PRPF6: variants seen among roughly 807,000 people sequenced by gnomAD.
PRPF6 encodes pre-mRNA processing factor 6.
PRPF6 carries 42 observed loss-of-function variants against 118.3 expected under a neutral mutation model. That is an observed-to-expected ratio of 0.35 (90% CI 0.28 to 0.46). The LOEUF (loss-of-function observed/expected upper bound fraction) is 0.46, where lower values mean the gene tolerates loss of function less well. Among genes scored for constraint, PRPF6 ranks in the 20% least tolerant of loss-of-function variants. The pLI is 1.00. For missense variants in PRPF6, 662 were observed against 1,255.7 expected (o/e 0.53, Z 7.15); for synonymous variants, 481 against 485.1 (o/e 0.99, Z 0.11).
intron 11 of PRPF6, 41 bp from the exon 12 acceptor site, chr20:64,016,682 G>C: frequency 6.2e-7 from 1 of 1,612,506 alleles, no homozygotes; most frequent in South Asian, 1.1e-5. Flanking sequence ...CTGCAGCTCT[G>C]ATTTCCAAAA....
Position 63,995,310 on chromosome 20 carries a change from C to A in PRPF6, c.616-17C>A. 6.2e-7 allele frequency: 1 copy of A among 1,603,266 alleles called. No homozygotes were observed. Among genetic ancestry groups the A allele is most frequent in the Non-Finnish European group, 8.5e-7 (1 of 1,174,520 alleles). On this transcript the variant is annotated splice_polypyrimidine_tract_variant and intron_variant, in intron 5 of 20. Transcript: ENST00000266079. ...AAACCGTTGTTTTATTCTTGCCTTT[C>A]CTCTCTTCCCCTCCAGCAATTTGGA... is the stretch of plus-strand genomic sequence containing the variant.
At chr20:64,021,310 A>C (rs1027343627) in intron 12 of PRPF6, among the ~76,000 whole-genome samples, 1 of 131,068 alleles carries the variant, frequency 7.6e-6, no homozygotes, top group Non-Finnish European at 1.6e-5. Context: ...GTGTGTGTGC[A>C]TGTATGCATA....
At chr20:63,987,842 A>G (rs1054421035) in intron 3 of PRPF6, among the ~76,000 whole-genome samples, 2 of 151,586 alleles carry the variant, frequency 1.3e-5, no homozygotes, top group African/African-American at 4.9e-5. Context: ...TGAGGTCAGG[A>G]GTTTGAGACC....
rs114986695 is a variant in PRPF6, at chr20:64,030,145, G to A, written c.2546+654G>A. On this transcript the variant is annotated intron_variant, in intron 19 of 20. Coordinates refer to ENST00000266079, the MANE Select transcript of PRPF6 (RefSeq NM_012469.4). The stretch of plus-strand genomic sequence containing the variant: ...CAGCAGGGAGCTCAGGGCCATCCCC[G>A]ACCCCCAGGGTCCCTGTTTCCTTCT... 4.5e-3 allele frequency among the ~76,000 whole-genome samples: 683 copies of A among 152,324 alleles called. 6 individuals are homozygous for A. The highest frequency in any genetic ancestry group is 0.016 in the African/African-American group (655 of 41,572).
At position 63,983,066 on chromosome 20, in the gene PRPF6, C is replaced by A. The variant is rs764082576; in HGVS notation, c.91C>A (p.Arg31=). 10 of 1,614,156 alleles carry A rather than the reference C, an allele frequency of 6.2e-6. No individual in the cohort carries two copies. The highest frequency in any genetic ancestry group is 8.5e-6 in the Non-Finnish European group (10 of 1,180,028). The change falls in exon 2 of 21, where the codon CGG becomes AGG. Residue 31 remains arginine, a synonymous_variant. Coordinates refer to ENST00000266079, the MANE Select transcript of PRPF6 (RefSeq NM_012469.4). ...LGRGATGFTT[R]SDIGPARDAN... is the part of the protein sequence containing the mutation. ...CTGCAGCGCCACTGGCTTCACCACG[C>A]GGTCAGACATTGGGCCCGCCCGTGA...
intron 12 of PRPF6, among the ~76,000 whole-genome samples, chr20:64,020,505 G>A (rs2059257805): frequency 6.6e-6 from 1 of 152,206 alleles, no homozygotes; most frequent in South Asian, 2.1e-4. Flanking sequence ...TCTGAACCTG[G>A]CCCAGTGAGT....
Position 64,029,955 on chromosome 20 carries a change from G to T in PRPF6, c.2546+464G>T, listed in dbSNP as rs532641279. Among the ~76,000 whole-genome samples the T allele has an allele frequency of 1.7e-4, 25 of 149,418 alleles. No individual in the cohort carries two copies. Among genetic ancestry groups the T allele is most frequent in the African/African-American group, 6.2e-4 (25 of 40,418 alleles). The stretch of plus-strand genomic sequence containing the variant: ...CACTGGTGTGCTGGCCGCCGGGTCA[G>T]AGACTCACTGGGGACGCGTGTGATT... On this transcript the variant is annotated intron_variant, in intron 19 of 20. Transcript: ENST00000266079. This position sits in a 1 kb window ranked among gnomAD's most constrained non-coding sequence, Gnocchi z 4.8.
At chr20:64,031,687 A>AC (rs59985127) in intron 19 of PRPF6, among the ~76,000 whole-genome samples, 7,519 of 149,172 alleles carry the variant, frequency 0.05, 221 homozygotes, top group Middle Eastern at 0.11. Flanking sequence ...AAAAAAAAAA[A>AC]AAAACAACAA....
At chr20:63,996,308 C>T (rs1036054399) in intron 6 of PRPF6, among the ~76,000 whole-genome samples, 15 of 152,048 alleles carry the variant, frequency 9.9e-5, no homozygotes, top group African/African-American at 2.7e-4. Context: ...CAGTGCACTC[C>T]GGCCTGGGCA....
rs1454342199 is a variant in PRPF6, at chr20:64,029,423, G to T, written c.2478G>T (p.Arg826Ser). ...TCTTCCTCGAGGCAAGGCCCCAGAG[G>T]AGGACCAAGAGCGTGGATGCCCTGA... is the stretch of plus-strand genomic sequence containing the variant. ...EAIFLEARPQ[R>S]RTKSVDALKK... Residue 826 changes from arginine to serine, a missense_variant, in exon 19 of 21, where the codon AGG becomes AGT. By Grantham distance (110) the Arg-to-Ser change is moderately radical (BLOSUM62 -1). This residue lies in a region of PRPF6 where 244 missense variants were observed against 383.7 expected (regional missense o/e 0.64). Coordinates refer to ENST00000266079, the MANE Select transcript of PRPF6 (RefSeq NM_012469.4). The surrounding 1 kb of genome is among the most constrained non-coding windows in gnomAD (Gnocchi z 4.8). 3 of 1,614,120 alleles carry T rather than the reference G, an allele frequency of 1.9e-6. No individual in the cohort carries two copies. In the African/African-American group the frequency reaches 4.0e-5, roughly 22 times the overall value.
chr20:64,007,039 G>A (rs2123042288), intron 9 of PRPF6, among the ~76,000 whole-genome samples: 1 of 152,352 alleles, frequency 6.6e-6, no homozygotes, highest in South Asian at 2.1e-4. Context: ...CTCCCCAGAG[G>A]TTGTCAGTGT....
rs371819392 is a variant in PRPF6 at position 64,029,245 on chromosome 20, A to G, written c.2432-132A>G. On this transcript the variant is annotated intron_variant, in intron 18 of 20. Coordinates refer to ENST00000266079, the MANE Select transcript of PRPF6 (RefSeq NM_012469.4). This position sits in a 1 kb window ranked among gnomAD's most constrained non-coding sequence, Gnocchi z 4.8. ...CATCCTTTGTGGTTCTCCTTGCACA[A>G]GTTCTGCGAGCCGTGTGTGGGAGGC... 5.0e-6 allele frequency: 4 copies of G among 793,244 alleles called. No individual in the cohort carries two copies. The highest frequency in any genetic ancestry group is 3.8e-5 in the Admixed American group (2 of 52,422). 49.1% of individuals were successfully genotyped at this position (793,244 alleles called of 1,614,324 possible). A position where few individuals can be genotyped will look rare whatever the true frequency, so the allele number is the denominator to read the frequency against.
intron 12 of PRPF6, among the ~76,000 whole-genome samples, chr20:64,017,866 T>G (rs1327419656): frequency 6.6e-6 from 1 of 152,244 alleles, no homozygotes; most frequent in Non-Finnish European, 1.5e-5. Flanking sequence ...ATCAGGACAT[T>G]GATGTTGGGA....
intron 11 of PRPF6, among the ~76,000 whole-genome samples, chr20:64,015,016 C>T (rs1284152643): frequency 6.6e-6 from 1 of 152,066 alleles, no homozygotes; most frequent in Non-Finnish European, 1.5e-5. Context: ...GTATTGAAAT[C>T]CTTTGCCTAC....
chr20:63,987,174 A>G (rs1290608087), intron 3 of PRPF6, among the ~76,000 whole-genome samples: 1 of 146,322 alleles, frequency 6.8e-6, no homozygotes, highest in Non-Finnish European at 1.5e-5. Flanking sequence ...TGTCTCAAAA[A>G]AAAAAAAAAA....
chr20:63,998,233 T>A (rs938139245), intron 6 of PRPF6, among the ~76,000 whole-genome samples: 1 of 151,844 alleles, frequency 6.6e-6, no homozygotes, highest in Admixed American at 6.6e-5. Flanking sequence ...TAGCTGGGAC[T>A]ACAGGCATGT....
chr20:64,009,179 G>A (rs1054725356), intron 9 of PRPF6, among the ~76,000 whole-genome samples: 25 of 151,350 alleles, frequency 1.7e-4, no homozygotes, highest in African/African-American at 6.1e-4. Flanking sequence ...TACTTGGGAG[G>A]CTGAGGCAGG....
chr20:64,015,397 C>T lies in PRPF6; in HGVS notation c.1525-1326C>T, dbSNP rs575494559. On this transcript the variant is annotated intron_variant, in intron 11 of 20. Transcript: ENST00000266079. ...AGCGTCTCTGCCTCAGATCCTTGCT[C>T]TTGGCTCTGCTTTCTGTCTGGGATG... Among the ~76,000 whole-genome samples, 4 of 152,336 alleles carry T rather than the reference C, an allele frequency of 2.6e-5. No homozygotes were observed. In the East Asian group the frequency reaches 7.7e-4, roughly 29 times the overall value.
chr20:63,982,813 C>G (rs893345412), intron 1 of PRPF6, among the ~76,000 whole-genome samples: 2 of 152,038 alleles, frequency 1.3e-5, no homozygotes, highest in Non-Finnish European at 2.9e-5. Context: ...GGGAGATGAT[C>G]GAAGCCTTAG....
Sources: allele counts gnomAD v4.1 joint callset (sites outside exome capture counted in the v4.1 genomes callset), GRCh38; gene constraint gnomAD v4.1.1; regional missense constraint gnomAD v4.1.1; non-coding constraint Gnocchi (gnomAD v3.1); transcripts MANE v1.5; gene names NCBI Gene and HGNC (gene_info 2026-07-23, HGNC 2026-07-21).